The following ACTL8 variants were observed in gnomAD, a reference collection of about 807,000 sequenced individuals.
ACTL8 encodes the protein actin-like protein 8.
Under a neutral mutation model 9.3 loss-of-function variants are expected in ACTL8, and 3 were observed. That is an observed-to-expected ratio of 0.32 (90% CI 0.15 to 0.83). The LOEUF is 0.83. ACTL8 is among the 40% of genes least tolerant of loss of function. The probability of loss-of-function intolerance (pLI) is 0.57; values close to 1 mark genes in which losing one functional copy is unlikely to be tolerated. For synonymous variants in ACTL8, 224 were observed against 205.9 expected (o/e 1.09, Z -0.75); for missense variants, 381 against 492.2 (o/e 0.77, Z 2.14).
At chr1:17,773,863 C>T (rs1220575904) in intron 1 of ACTL8, among the ~76,000 whole-genome samples, 4 of 152,230 alleles carry the variant, frequency 2.6e-5, no homozygotes, top group Admixed American at 1.3e-4. Flanking sequence ...TCTGAGCTTC[C>T]GTCTTCTACT....
chr1:17,778,444 C>T lies in ACTL8; in HGVS notation c.-25+22940C>T, dbSNP rs2066131079. Among the ~76,000 whole-genome samples the T allele has an allele frequency of 1.3e-5, 2 of 152,072 alleles. 1 individual carries two copies. Among genetic ancestry groups the T allele is most frequent in the African/African-American group, 4.8e-5 (2 of 41,398 alleles). ...GAATCATCATTTCATTCCCTTCTGT[C>T]TCAAGACTAGAACTGATGTCTAGTT... On this transcript the variant is annotated intron_variant, in intron 1 of 2. Coordinates refer to ENST00000375406, the MANE Select transcript of ACTL8 (RefSeq NM_030812.3).
At chr1:17,801,051 T>C (rs560537104) in intron 1 of ACTL8, among the ~76,000 whole-genome samples, 42 of 152,376 alleles carry the variant, frequency 2.8e-4, no homozygotes, top group African/African-American at 9.6e-4. Flanking sequence ...TCAAATGCTT[T>C]TGCCAATCTA....
chr1:17,799,884 T>C (rs2066307908), intron 1 of ACTL8, among the ~76,000 whole-genome samples: 1 of 151,062 alleles, frequency 6.6e-6, no homozygotes, highest in South Asian at 2.1e-4. Flanking sequence ...ACCTTTATGG[T>C]GCTGAATTCA....
At chr1:17,773,604 G>C (rs190217436) in intron 1 of ACTL8, among the ~76,000 whole-genome samples, 8 of 152,310 alleles carry the variant, frequency 5.3e-5, no homozygotes, top group Admixed American at 2.0e-4. Flanking sequence ...CTAGTTACTT[G>C]ACACAAGCTG....
chr1:17,759,385 A>G (rs2065987831), intron 1 of ACTL8, among the ~76,000 whole-genome samples: 1 of 152,252 alleles, frequency 6.6e-6, no homozygotes, highest in Non-Finnish European at 1.5e-5. Context: ...CGTGCTCAGC[A>G]GAGGCCAGCA....
intron 1 of ACTL8, among the ~76,000 whole-genome samples, chr1:17,781,841 G>A (rs1051075186): frequency 6.6e-6 from 1 of 152,056 alleles, no homozygotes; most frequent in African/African-American, 2.4e-5. Flanking sequence ...CCACAGATGC[G>A]GGGACCCATG....
chr1:17,786,742 C>T (rs1309526399), intron 1 of ACTL8, among the ~76,000 whole-genome samples: 4 of 152,150 alleles, frequency 2.6e-5, no homozygotes, highest in Non-Finnish European at 5.9e-5. Context: ...CTCTGTTGCC[C>T]AGGCTGGAGT....
intron 1 of ACTL8, among the ~76,000 whole-genome samples, chr1:17,807,673 A>T (rs1424407627): frequency 6.6e-6 from 1 of 152,106 alleles, no homozygotes; most frequent in Non-Finnish European, 1.5e-5. Context: ...CATAAAAAAG[A>T]ATGAGTTCAT....
chr1:17,818,831 T>G (rs547815555), intron 1 of ACTL8, among the ~76,000 whole-genome samples: 1 of 152,272 alleles, frequency 6.6e-6, no homozygotes, highest in African/African-American at 2.4e-5. Flanking sequence ...TGCTTATGGA[T>G]GTTCTTTCTT....
chr1:17,798,687 T>A (rs1339854885), intron 1 of ACTL8, among the ~76,000 whole-genome samples: 1 of 152,248 alleles, frequency 6.6e-6, no homozygotes, highest in Non-Finnish European at 1.5e-5. Context: ...AATCTATCTT[T>A]GTTCCCCCAG....
intron 2 of ACTL8, among the ~76,000 whole-genome samples, chr1:17,824,143 G>A (rs986548763): frequency 1.5e-4 from 23 of 152,196 alleles, no homozygotes; most frequent in African/African-American, 5.5e-4. Flanking sequence ...AAATAGGATG[G>A]TGAGGTTGGA....
chr1:17,819,434 C>A (rs1013086789), intron 1 of ACTL8, among the ~76,000 whole-genome samples: 1 of 152,240 alleles, frequency 6.6e-6, no homozygotes, highest in Non-Finnish European at 1.5e-5. Flanking sequence ...GTTCTCTGCC[C>A]TGCAGCCGGT....
At chr1:17,797,544 T>C (rs1052137639) in intron 1 of ACTL8, among the ~76,000 whole-genome samples, 12 of 152,154 alleles carry the variant, frequency 7.9e-5, no homozygotes, top group Non-Finnish European at 1.3e-4. Flanking sequence ...GCAGAAAGCA[T>C]TGTGACTCTG....
chr1:17,760,437 G>A (rs1440018195), intron 1 of ACTL8, among the ~76,000 whole-genome samples: 1 of 152,150 alleles, frequency 6.6e-6, no homozygotes, highest in Non-Finnish European at 1.5e-5. Context: ...ATCGTTGGCA[G>A]GACTGAGTGG....
chr1:17,823,474 G>A lies in ACTL8; in HGVS notation c.348+118G>A, dbSNP rs1011526584. On this transcript the variant is annotated intron_variant, in intron 2 of 2. Coordinates refer to ENST00000375406, the MANE Select transcript of ACTL8 (RefSeq NM_030812.3). This position sits in a 1 kb window ranked among gnomAD's most constrained non-coding sequence, Gnocchi z 5.3. Reference sequence around the variant, plus strand: ...AGATAAATTGCCAACCAGGTGTGGTGGCTTATGCCTGTAATCCCAACACTT... The same window carrying A: ...AGATAAATTGCCAACCAGGTGTGGTAGCTTATGCCTGTAATCCCAACACTT... 1.2e-5 allele frequency: 12 copies of A among 1,006,248 alleles called. No homozygotes were observed. The highest frequency in any genetic ancestry group is 1.7e-5 in the Non-Finnish European group (12 of 703,286). 62.3% of individuals were successfully genotyped at this position (1,006,248 alleles called of 1,614,324 possible).
intron 1 of ACTL8, among the ~76,000 whole-genome samples, chr1:17,764,915 A>C (rs537914501): frequency 1.3e-5 from 2 of 152,306 alleles, no homozygotes; most frequent in Non-Finnish European, 2.9e-5. Context: ...TCAAGATGGC[A>C]CATGACTTGG....
chr1:17,823,395 A>G lies in ACTL8; in HGVS notation c.348+39A>G. 6.4e-7 allele frequency: 1 copy of G among 1,556,734 alleles called. No individual in the cohort carries two copies. Among genetic ancestry groups the G allele is most frequent in the Non-Finnish European group, 8.7e-7 (1 of 1,144,292 alleles). The stretch of plus-strand genomic sequence containing the variant: ...GGGCCTGCTCCCACTCGGGAGCGGG[A>G]AACAGACTGACACTATGTCTGGACT... On this transcript the variant is annotated intron_variant, in intron 2 of 2. Coordinates refer to ENST00000375406, the MANE Select transcript of ACTL8 (RefSeq NM_030812.3). The surrounding 1 kb of genome is among the most constrained non-coding windows in gnomAD (Gnocchi z 5.3).
intron 1 of ACTL8, among the ~76,000 whole-genome samples, chr1:17,798,307 AGGT>A (rs2066293333): frequency 6.6e-6 from 1 of 151,968 alleles, no homozygotes; most frequent in Non-Finnish European, 1.5e-5. Flanking sequence ...CTCATGGTCT[AGGT>A]GGGAGCTAGA....
chr1:17,800,446 G>A (rs188570891), intron 1 of ACTL8, among the ~76,000 whole-genome samples: 2 of 152,168 alleles, frequency 1.3e-5, no homozygotes, highest in East Asian at 1.9e-4. Flanking sequence ...TATCTTAAAC[G>A]TGAACAATGG....
Sources: gnomAD v4.1 joint callset for allele counts (sites outside exome capture counted in the v4.1 genomes callset) on GRCh38, gnomAD v4.1.1 for gene constraint, Gnocchi (gnomAD v3.1) non-coding constraint, MANE v1.5 for transcripts, NCBI Gene and HGNC (gene_info 2026-07-23, HGNC 2026-07-21) for gene names.